The following RALGAPA1 variants were observed in gnomAD, a reference collection of about 807,000 sequenced individuals.
RALGAPA1 encodes the protein Ral GTPase activating protein catalytic subunit alpha 1, also known as ral GTPase-activating protein subunit alpha-1.
RALGAPA1 carries 52 observed loss-of-function variants against 269.6 expected under a neutral mutation model. The ratio of observed to expected loss-of-function variants is 0.19; its 90% CI spans 0.15 to 0.24. The LOEUF is 0.24. Ranked by LOEUF, RALGAPA1 falls within the 10% of genes least tolerant of loss-of-function variation. The probability of loss-of-function intolerance (pLI) is 1.00; values close to 1 mark genes in which losing one functional copy is unlikely to be tolerated. For missense variants in RALGAPA1, 1,917 were observed against 3,013.9 expected (o/e 0.64, Z 8.52); for synonymous variants, 817 against 1,008.3 (o/e 0.81, Z 3.60).
Position 35,596,015 on chromosome 14 carries a change from C to T in RALGAPA1, c.7054-226G>A, listed in dbSNP as rs553565587. On this transcript the variant is annotated intron_variant, in intron 36 of 41. Transcript: ENST00000680220. The stretch of plus-strand genomic sequence containing the variant: ...AGTTAACCAGGAAAGGTATCAACTG[C>T]TGTGTACTATGCATCTTTTGTTAGC... Among the ~76,000 whole-genome samples the T allele has an allele frequency of 3.3e-5, 5 of 152,122 alleles. No homozygotes were observed. The South Asian group carries it at 8.3e-4, about 25-fold the overall frequency.
intron 35 of RALGAPA1, among the ~76,000 whole-genome samples, chr14:35,608,189 A>G (rs1428869850): frequency 6.6e-6 from 1 of 152,198 alleles, no homozygotes; most frequent in Non-Finnish European, 1.5e-5. Context: ...CAAAAAAAAC[A>G]TAAACACTCT....
chr14:35,560,933 A>G (rs770324986), intron 39 of RALGAPA1, among the ~76,000 whole-genome samples: 2 of 152,202 alleles, frequency 1.3e-5, no homozygotes, highest in Admixed American at 6.5e-5. Flanking sequence ...CAGTACTTTT[A>G]AAATACGGTA....
intron 36 of RALGAPA1, among the ~76,000 whole-genome samples, chr14:35,600,610 C>G (rs1250657343): frequency 6.6e-6 from 1 of 152,198 alleles, no homozygotes; most frequent in Non-Finnish European, 1.5e-5. Flanking sequence ...CCCCCATTCC[C>G]ACTCCACTTG....
chr14:35,607,531 T>C (rs560813374), intron 35 of RALGAPA1, among the ~76,000 whole-genome samples: 2 of 152,242 alleles, frequency 1.3e-5, no homozygotes, highest in Admixed American at 6.5e-5. Context: ...AGCTTGCTCA[T>C]AGGGTAGAGA....
At chr14:35,649,131 C>T (rs1179716009) in intron 31 of RALGAPA1, among the ~76,000 whole-genome samples, 1 of 152,190 alleles carries the variant, frequency 6.6e-6, no homozygotes, top group Non-Finnish European at 1.5e-5. Context: ...TGCTGGTGGT[C>T]TCCACCTGGA....
At chr14:35,566,040 C>T (rs1469125206) in intron 39 of RALGAPA1, among the ~76,000 whole-genome samples, 3 of 152,230 alleles carry the variant, frequency 2.0e-5, no homozygotes, top group East Asian at 3.9e-4. Flanking sequence ...AATGGTTACA[C>T]AGAATCTGCT....
intron 31 of RALGAPA1, among the ~76,000 whole-genome samples, chr14:35,640,323 A>T (rs1000297854): frequency 6.6e-6 from 1 of 152,078 alleles, no homozygotes; most frequent in Admixed American, 6.5e-5. Context: ...TTGATTTTTT[A>T]AAAAAGATAA....
At chr14:35,785,784 T>C (rs946822312) in intron 1 of RALGAPA1, among the ~76,000 whole-genome samples, 1 of 152,150 alleles carries the variant, frequency 6.6e-6, no homozygotes, top group Admixed American at 6.6e-5. Flanking sequence ...CTCAACACAC[T>C]CAATTTCCAT....
intron 17 of RALGAPA1, among the ~76,000 whole-genome samples, chr14:35,699,328 T>C (rs79475816): frequency 0.041 from 6,172 of 152,146 alleles, 361 homozygotes; most frequent in African/African-American, 0.12. Flanking sequence ...TGTGTGGTGA[T>C]TGACTCAAAA....
At chr14:35,541,662 G>C (rs1245727994) in intron 41 of RALGAPA1, 1 of 450,988 alleles carries the variant, frequency 2.2e-6, no homozygotes, top group African/African-American at 2.0e-5. Flanking sequence ...GGAAAGTGAA[G>C]AGCAGTAGTA....
intron 6 of RALGAPA1, among the ~76,000 whole-genome samples, chr14:35,760,580 G>A (rs1284706383): frequency 6.6e-6 from 1 of 152,158 alleles, no homozygotes; most frequent in East Asian, 1.9e-4. Flanking sequence ...ACCAACTCTG[G>A]TGCTTCCCCC....
intron 31 of RALGAPA1, among the ~76,000 whole-genome samples, chr14:35,645,385 G>C (rs1210157400): frequency 6.7e-6 from 1 of 149,930 alleles, no homozygotes; most frequent in Non-Finnish European, 1.5e-5. Flanking sequence ...GTGTGTGTGT[G>C]TGTGTATATG....
chr14:35,599,325 T>C (rs1405713191), intron 36 of RALGAPA1, among the ~76,000 whole-genome samples: 1 of 152,228 alleles, frequency 6.6e-6, no homozygotes, highest in Non-Finnish European at 1.5e-5. Flanking sequence ...TTCCTTTCTA[T>C]TAATAAAACT....
intron 34 of RALGAPA1, 107 bp downstream of exon 34, chr14:35,626,983 G>T: frequency 2.7e-6 from 3 of 1,129,048 alleles, no homozygotes; most frequent in Non-Finnish European, 3.6e-6. Flanking sequence ...AGAACTAATT[G>T]GTAGATAAAA....
At chr14:35,712,155 G>A (rs967603512) in intron 16 of RALGAPA1, among the ~76,000 whole-genome samples, 12 of 146,578 alleles carry the variant, frequency 8.2e-5, no homozygotes, top group African/African-American at 3.1e-4. Flanking sequence ...GCTGAGGCAG[G>A]AAAATTGCTT....
intron 35 of RALGAPA1, among the ~76,000 whole-genome samples, chr14:35,609,983 G>GA (rs1410220346): frequency 6.9e-6 from 1 of 145,346 alleles, no homozygotes; most frequent in Non-Finnish European, 1.5e-5. Flanking sequence ...GCAAGCAGAA[G>GA]AAAGAAAAGA....
In RALGAPA1 at chr14:35,801,256, C is replaced by CACACACAA. The variant is rs1278731534; in HGVS notation, c.106+7473_106+7474insTTGTGTGT. ...ATATATATACACAGACACACACACACACACACACACACACACACACACACA... is the reference window on the plus strand; with the variant it reads ...ATATATATACACAGACACACACACACACACACAAACACACACACACACACACACACACA... On this transcript the variant is annotated intron_variant, in intron 1 of 41. Transcript: ENST00000680220. Among the ~76,000 whole-genome samples, 11 of 131,010 alleles carry CACACACAA rather than the reference C, an allele frequency of 8.4e-5. No homozygotes were observed. The East Asian group carries it at 1.7e-3, about 21-fold the overall frequency. The allele number at this position is 131,010 out of a possible 152,430, so 85.9% of individuals were successfully genotyped here.
chr14:35,704,692 A>C (rs1236068979), intron 16 of RALGAPA1, among the ~76,000 whole-genome samples: 1 of 152,176 alleles, frequency 6.6e-6, no homozygotes, highest in Non-Finnish European at 1.5e-5. Context: ...TTAGATCACC[A>C]GCATAAAGAA....
intron 35 of RALGAPA1, among the ~76,000 whole-genome samples, chr14:35,614,620 A>G (rs1311041586): frequency 1.3e-5 from 2 of 152,186 alleles, no homozygotes; most frequent in Non-Finnish European, 2.9e-5. Context: ...AAAATAATCT[A>G]AAAATGAGAT....
Sources: gnomAD v4.1 joint callset for allele counts (sites outside exome capture counted in the v4.1 genomes callset) on GRCh38, gnomAD v4.1.1 for gene constraint, MANE v1.5 for transcripts, NCBI Gene and HGNC (gene_info 2026-07-23, HGNC 2026-07-21) for gene names.